The following DCC variants were observed in gnomAD, a reference collection of about 807,000 sequenced individuals.
DCC encodes netrin receptor DCC.
A neutral mutation model predicts 172.5 loss-of-function variants in DCC; 58 were observed. The observed-to-expected ratio is 0.34, with a 90% CI of 0.27 to 0.42. The LOEUF (loss-of-function observed/expected upper bound fraction) is 0.42. DCC is among the 10% of genes least tolerant of loss of function. The pLI, the probability that DCC is intolerant of heterozygous loss-of-function variation, is 1.00. For synonymous variants in DCC, 709 were observed against 644.5 expected, an observed-to-expected ratio of 1.10 and a Z score of -1.52; for missense variants, 1,740 against 1,791.0, an observed-to-expected ratio of 0.97 and a Z score of 0.51.
intron 9 of DCC, among the ~76,000 whole-genome samples, chr18:53,201,886 C>A (rs572093980): frequency 1.3e-5 from 2 of 152,210 alleles, no homozygotes; most frequent in African/African-American, 4.8e-5. Context: ...AGTAAGGGTT[C>A]TTTCTGTGAA....
At chr18:52,847,195 G>A (rs756638693) in intron 2 of DCC, among the ~76,000 whole-genome samples, 11 of 152,224 alleles carry the variant, frequency 7.2e-5, no homozygotes, top group Middle Eastern at 6.8e-3. Flanking sequence ...TTGCTACTTA[G>A]CCATTTTCTT....
rs1359707518 is a variant in DCC at position 53,486,662 on chromosome 18, G to GT, written c.3737-134dup. On this transcript the variant is annotated intron_variant, in intron 25 of 28. Coordinates refer to ENST00000442544, the MANE Select transcript of DCC (RefSeq NM_005215.4). ...TAAAAAGTGGGATTGGTGGAGAGAG[G>GT]TAAGTAAGGGAACCTAGTTGATACT... is the stretch of plus-strand genomic sequence containing the variant. 19 of 1,138,508 alleles carry GT rather than the reference G, an allele frequency of 1.7e-5. 1 individual carries two copies. The highest frequency in any genetic ancestry group is 1.4e-4 in the Admixed American group (7 of 49,642). 70.5% of individuals were successfully genotyped at this position (1,138,508 alleles called of 1,614,324 possible).
rs145294733 is a variant in DCC at position 52,940,250 on chromosome 18, T to C, written c.985+14880T>C. On this transcript the variant is annotated intron_variant, in intron 5 of 28. Coordinates refer to ENST00000442544, the MANE Select transcript of DCC (RefSeq NM_005215.4). ...AGTAGGCCTTGTATAAAATGATGGA[T>C]CTCTTATTAAAATTGGAGTATAAGG... is the stretch of plus-strand genomic sequence containing the variant. Among the ~76,000 whole-genome samples, 217 of 152,190 alleles carry C rather than the reference T, an allele frequency of 1.4e-3. 1 individual carries two copies. Among genetic ancestry groups the C allele is most frequent in the African/African-American group, 4.9e-3 (205 of 41,536 alleles).
rs578140014 is a variant in DCC at position 53,515,963 on chromosome 18, T to G, written c.4112-10654T>G. On this transcript the variant is annotated intron_variant, in intron 27 of 28. Transcript: ENST00000442544. ...GGAAAAATCTACTTTAAAGTTCATA[T>G]GGAACCAAAAAAGAGCCCGCATCAC... Among the ~76,000 whole-genome samples, 3 of 151,534 alleles carry G rather than the reference T, an allele frequency of 2.0e-5. No homozygotes were observed. In the South Asian group the frequency reaches 6.2e-4, roughly 32 times the overall value.
At chr18:52,850,608 C>T (rs950198544) in intron 2 of DCC, among the ~76,000 whole-genome samples, 8 of 151,626 alleles carry the variant, frequency 5.3e-5, no homozygotes, top group African/African-American at 1.9e-4. Context: ...AGATTAATGC[C>T]TCCTTGACAG....
chr18:53,308,370 C>A (rs2144790490), intron 13 of DCC, among the ~76,000 whole-genome samples: 1 of 151,886 alleles, frequency 6.6e-6, no homozygotes, highest in African/African-American at 2.4e-5. Flanking sequence ...ATATATATCC[C>A]AAATTGTTGA....
rs148572403 is a variant in DCC at position 52,698,969 on chromosome 18, C to G, written c.92-53085C>G. ...ATAGGAAAGGTAGTGGCCTAACTAT[C>G]TATAGCATGGGACCAAGTCATGTGG... On this transcript the variant is annotated intron_variant, in intron 1 of 28. Transcript: ENST00000442544. 2.0e-4 allele frequency among the ~76,000 whole-genome samples: 31 copies of G among 152,180 alleles called. No homozygotes were observed. The East Asian group carries it at 6.0e-3, about 29-fold the overall frequency.
intron 7 of DCC, among the ~76,000 whole-genome samples, chr18:53,072,135 A>G (rs542190553): frequency 1.3e-5 from 2 of 151,784 alleles, no homozygotes; most frequent in East Asian, 1.9e-4. Context: ...TCTCAAGAAG[A>G]AAAAAAAAGA....
intron 9 of DCC, among the ~76,000 whole-genome samples, chr18:53,202,660 T>C (rs759413840): frequency 6.6e-6 from 1 of 152,052 alleles, no homozygotes; most frequent in Non-Finnish European, 1.5e-5. Context: ...AGTGGTAGAG[T>C]AGAGGGCTGG....
chr18:53,010,440 TTC>T (rs1215715352), intron 5 of DCC, among the ~76,000 whole-genome samples: 2 of 151,762 alleles, frequency 1.3e-5, no homozygotes, highest in African/African-American at 2.4e-5. Context: ...TAAGCCAGAC[TTC>T]TTTGTCGAAT....
intron 2 of DCC, among the ~76,000 whole-genome samples, chr18:52,858,954 G>A (rs1375829646): frequency 6.6e-6 from 1 of 152,120 alleles, no homozygotes; most frequent in African/African-American, 2.4e-5. Flanking sequence ...ATGTCAATAA[G>A]TCACCATGAC....
intron 1 of DCC, among the ~76,000 whole-genome samples, chr18:52,746,950 A>G (rs902301546): frequency 6.6e-6 from 1 of 151,446 alleles, no homozygotes; most frequent in African/African-American, 2.4e-5. Context: ...GGAGGTGGAG[A>G]AGGAGGAAGT....
intron 9 of DCC, among the ~76,000 whole-genome samples, chr18:53,184,739 C>T (rs2055253597): frequency 6.6e-6 from 1 of 152,112 alleles, no homozygotes. Context: ...CTTGGTATAT[C>T]TGGGCTGTTG....
intron 19 of DCC, among the ~76,000 whole-genome samples, chr18:53,409,174 C>A (rs1226488745): frequency 6.6e-6 from 1 of 152,046 alleles, no homozygotes; most frequent in Non-Finnish European, 1.5e-5. Context: ...GAAGAAGAAT[C>A]ATGGAATGGA....
At chr18:52,837,169 A>G (rs547397182) in intron 2 of DCC, among the ~76,000 whole-genome samples, 1 of 152,250 alleles carries the variant, frequency 6.6e-6, no homozygotes, top group Admixed American at 6.5e-5. Context: ...CCTTGAAACC[A>G]TATTTTCCTC....
intron 3 of DCC, among the ~76,000 whole-genome samples, chr18:52,907,589 A>AT: frequency 6.6e-6 from 1 of 151,822 alleles, no homozygotes; most frequent in South Asian, 2.1e-4. Flanking sequence ...AATTTTTTGT[A>AT]TTTTTTTGTA....
At chr18:52,454,236 T>C (rs1988391590) in intron 1 of DCC, among the ~76,000 whole-genome samples, 1 of 152,176 alleles carries the variant, frequency 6.6e-6, no homozygotes, top group Non-Finnish European at 1.5e-5. Context: ...GCAGTAAATT[T>C]TGCAAGATCA....
At chr18:53,236,010 G>C (rs190598546) in intron 12 of DCC, among the ~76,000 whole-genome samples, 67 of 152,162 alleles carry the variant, frequency 4.4e-4, no homozygotes, top group African/African-American at 1.6e-3. Context: ...ATATTGGATT[G>C]TTTCCATTTC....
At chr18:52,828,162 A>G (rs1250373522) in intron 2 of DCC, among the ~76,000 whole-genome samples, 1 of 152,188 alleles carries the variant, frequency 6.6e-6, no homozygotes, top group Non-Finnish European at 1.5e-5. Context: ...TTCATACTCT[A>G]CATACTACGG....
Sources: allele counts gnomAD v4.1 joint callset (sites outside exome capture counted in the v4.1 genomes callset), GRCh38; gene constraint gnomAD v4.1.1; transcripts MANE v1.5; gene names NCBI Gene and HGNC (gene_info 2026-07-23, HGNC 2026-07-21).